C2orf81: variants seen among roughly 807,000 people sequenced by gnomAD.
C2orf81 encodes uncharacterized protein C2orf81.
A neutral mutation model predicts 7.9 loss-of-function variants in C2orf81; 5 were observed. That is an observed-to-expected ratio of 0.63 (90% confidence interval 0.33 to 1.33). The LOEUF (loss-of-function observed/expected upper bound fraction) is 1.33. Among genes scored for constraint, C2orf81 ranks in the 40% most tolerant of loss-of-function variants. C2orf81 has a pLI of 0.05. For missense variants in C2orf81, 781 were observed against 830.4 expected (o/e 0.94, Z 0.73); for synonymous variants, 346 against 367.4 (o/e 0.94, Z 0.66).
In C2orf81 at chr2:74,414,765, GGC is replaced by G. The variant is rs1463916784; in HGVS notation, c.1410_1411del (p.Pro471ThrfsTer17). 1 of 1,551,306 alleles carries G rather than the reference GGC, an allele frequency of 6.4e-7. No homozygotes were observed. Among genetic ancestry groups the G allele is most frequent in the Non-Finnish European group, 8.7e-7 (1 of 1,146,744 alleles). ...GAAGCGGATCCTGGAGTTTGGGAGT[GGC>G]AGCTTTGACTCGAGGGATGGCGACG... On this transcript the variant is annotated frameshift_variant, in exon 3 of 3. Transcript: ENST00000684111. LOFTEE classifies it low-confidence loss of function (END_TRUNC). The surrounding 1 kb of genome is among the most constrained non-coding windows in gnomAD (Gnocchi z 5.3).
At position 74,414,848 on chromosome 2, in the gene C2orf81, G is replaced by T. The variant is rs1246387219; in HGVS notation, c.1329C>A (p.Phe443Leu). ...GTGCGGGGCCCGAGTCCAAGTCACGGAAAGGAATGCCTGGCCGGAGAGGGA... is the reference window on the plus strand; with the variant it reads ...GTGCGGGGCCCGAGTCCAAGTCACGTAAAGGAATGCCTGGCCGGAGAGGGA... The part of the protein sequence containing the change: ...AFFPLRPGIP[F>L]RDLDSGPALL... Residue 443 changes from phenylalanine (F) to leucine (L), a missense_variant, in exon 3 of 3, where the codon TTC (phenylalanine) becomes TTA (leucine). Physicochemically the swap from Phe to Leu is conservative, Grantham distance 22 (BLOSUM62 0). Coordinates refer to ENST00000684111, the MANE Select transcript of C2orf81 (RefSeq NM_001316764.3). This position sits in a 1 kb window ranked among gnomAD's most constrained non-coding sequence, Gnocchi z 5.3. 1.3e-6 allele frequency: 2 copies of T among 1,551,258 alleles called. No homozygotes were observed. The highest frequency in any genetic ancestry group is 1.7e-6 in the Non-Finnish European group (2 of 1,146,660).
intron 1 of C2orf81, chr2:74,417,248 T>G (rs1573213892): frequency 6.0e-6 from 3 of 503,518 alleles, no homozygotes; most frequent in Non-Finnish European, 9.6e-6. Flanking sequence ...GGGCTGGGAG[T>G]GGGAAGGGTG....
chr2:74,415,997 G>C lies in C2orf81; in HGVS notation c.249+14C>G. The C allele has an allele frequency of 6.5e-7, 1 of 1,549,944 alleles. No homozygotes were observed. Among genetic ancestry groups the C allele is most frequent in the East Asian group, 2.4e-5 (1 of 40,914 alleles). Reference sequence around the variant, plus strand: ...AGAGGGAGACGAGTCTGAAGGACCCGGATCCCGGCCCACCTGCTGAGTCAG... The same window carrying C: ...AGAGGGAGACGAGTCTGAAGGACCCCGATCCCGGCCCACCTGCTGAGTCAG... On this transcript the variant is annotated intron_variant, in intron 2 of 2. Coordinates refer to ENST00000684111, the MANE Select transcript of C2orf81 (RefSeq NM_001316764.3). The surrounding 1 kb of genome is among the most constrained non-coding windows in gnomAD (Gnocchi z 5.5).
In C2orf81 at chr2:74,414,958, C is replaced by T. The variant is rs1338075597; in HGVS notation, c.1219G>A (p.Gly407Arg). ...SQTRPLEAYR[G>R]RQRGEKTKAR... ...TTGGTCTTCTCGCCCCGCTGGCGTC[C>T]GCGGTAGGCTTCCAAGGGGCGTGTT... The change falls in exon 3 of 3, where the codon GGA becomes AGA. Residue 407 changes from glycine (G) to arginine (R), a missense_variant. Coordinates refer to ENST00000684111, the MANE Select transcript of C2orf81 (RefSeq NM_001316764.3). The surrounding 1 kb of genome is among the most constrained non-coding windows in gnomAD (Gnocchi z 5.3). 2 of 1,547,774 alleles carry T rather than the reference C, an allele frequency of 1.3e-6. No homozygotes were observed. The highest frequency in any genetic ancestry group is 1.7e-4 in the Middle Eastern group (1 of 5,978).
intron 1 of C2orf81, chr2:74,417,457 C>T: frequency 7.7e-7 from 1 of 1,306,764 alleles, no homozygotes; most frequent in Admixed American, 2.3e-5. Flanking sequence ...GGGGCTGGGG[C>T]CACTGCAAAG....
chr2:74,415,444 C>G lies in C2orf81; in HGVS notation c.733G>C (p.Gly245Arg), dbSNP rs564474116. Reference protein sequence around the residue: ...GPGGPVEEADGQSRGLSSAGS... With the variant: ...GPGGPVEEADRQSRGLSSAGS... ...GCCGAGGAGAGGCCTCTAGACTGGC[C>G]GTCCGCTTCCTCTACAGGACCTCCG... The change falls in exon 3 of 3, where the codon GGC becomes CGC. Residue 245 changes from glycine to arginine, a missense_variant. Transcript: ENST00000684111. This position sits in a 1 kb window ranked among gnomAD's most constrained non-coding sequence, Gnocchi z 5.5. 14 of 1,533,892 alleles carry G rather than the reference C, an allele frequency of 9.1e-6. No homozygotes were observed. The African/African-American group carries it at 1.8e-4, about 20-fold the overall frequency.
chr2:74,421,495 A>T, intron 1 of C2orf81, 48 bp downstream of exon 1: 1 of 363,724 alleles, frequency 2.7e-6, no homozygotes, highest in Non-Finnish European at 5.0e-6. Flanking sequence ...CACCGACCTT[A>T]ACGGCCGACC....
Position 74,415,407 on chromosome 2 carries a change from C to G in C2orf81, c.770G>C (p.Ser257Thr). ...CTCCACCGACAGTTGGAAGCTCGCGCTCAAGGACCCGGCCGAGGAGAGGCC... is the reference window on the plus strand; with the variant it reads ...CTCCACCGACAGTTGGAAGCTCGCGGTCAAGGACCCGGCCGAGGAGAGGCC... ...SRGLSSAGSLSASFQLSVEEA... is the reference protein window; with the variant it reads ...SRGLSSAGSLTASFQLSVEEA... Residue 257 changes from serine to threonine, a missense_variant, in exon 3 of 3, where the codon AGC becomes ACC. Coordinates refer to ENST00000684111, the MANE Select transcript of C2orf81 (RefSeq NM_001316764.3). The surrounding 1 kb of genome is among the most constrained non-coding windows in gnomAD (Gnocchi z 5.5). The G allele has an allele frequency of 2.0e-6, 3 of 1,528,608 alleles. No homozygotes were observed. The highest frequency in any genetic ancestry group is 2.6e-6 in the Non-Finnish European group (3 of 1,132,578). 94.7% of individuals were successfully genotyped at this position (1,528,608 alleles called of 1,614,324 possible).
rs1352340233 is a variant in C2orf81 at position 74,416,251 on chromosome 2, C to G, written c.19-10G>C. On this transcript the variant is annotated splice_polypyrimidine_tract_variant and intron_variant, in intron 1 of 2. Coordinates refer to ENST00000684111, the MANE Select transcript of C2orf81 (RefSeq NM_001316764.3). Reference sequence around the variant, plus strand: ...CCTGCCTCTCCTGCCTCTGTGAGAACAAAACATGGCAATCAGAGCAGGAAA... The same window carrying G: ...CCTGCCTCTCCTGCCTCTGTGAGAAGAAAACATGGCAATCAGAGCAGGAAA... 3.7e-6 allele frequency: 5 copies of G among 1,340,462 alleles called. No individual in the cohort carries two copies. The highest frequency in any genetic ancestry group is 4.9e-6 in the Non-Finnish European group (5 of 1,019,092). 83.0% of individuals were successfully genotyped at this position (1,340,462 alleles called of 1,614,324 possible).
At chr2:74,419,408 G>A (rs1045942882) in intron 1 of C2orf81, among the ~76,000 whole-genome samples, 2 of 152,190 alleles carry the variant, frequency 1.3e-5, no homozygotes, top group African/African-American at 4.8e-5. Flanking sequence ...TTTCACAAGA[G>A]AGGGACTGTA....
At chr2:74,418,077 T>TG (rs1216284338) in intron 1 of C2orf81, 2 of 398,702 alleles carry the variant, frequency 5.0e-6, no homozygotes, top group Admixed American at 3.6e-5. Context: ...GGGTGGGAGG[T>TG]GGGGGGTTGG....
chr2:74,418,569 C>T, intron 1 of C2orf81: 2 of 688,098 alleles, frequency 2.9e-6, no homozygotes, highest in East Asian at 5.4e-5. Context: ...GGCCAGTCTC[C>T]ACCGCAGCCG....
In C2orf81 at chr2:74,414,948, C is replaced by T. The variant is rs1676402306; in HGVS notation, c.1229G>A (p.Arg410Gln). The T allele has an allele frequency of 6.5e-7, 1 of 1,546,348 alleles. No homozygotes were observed. The highest frequency in any genetic ancestry group is 8.7e-7 in the Non-Finnish European group (1 of 1,144,546). ...GGCCCGGGCCTTGGTCTTCTCGCCC[C>T]GCTGGCGTCCGCGGTAGGCTTCCAA... Reference protein sequence around the residue: ...RPLEAYRGRQRGEKTKARAEP... With the variant: ...RPLEAYRGRQQGEKTKARAEP... Residue 410 changes from arginine to glutamine, a missense_variant, in exon 3 of 3, where the codon CGG becomes CAG. Physicochemically the swap from Arg to Gln is conservative, Grantham distance 43. Coordinates refer to ENST00000684111, the MANE Select transcript of C2orf81 (RefSeq NM_001316764.3). The surrounding 1 kb of genome is among the most constrained non-coding windows in gnomAD (Gnocchi z 5.3).
intron 1 of C2orf81, 140 bp from the exon 2 acceptor site, chr2:74,416,381 G>C: frequency 2.4e-6 from 1 of 424,952 alleles, no homozygotes; most frequent in South Asian, 2.0e-5. Context: ...CTATGTGACA[G>C]ATACTTAGTA....
chr2:74,418,903 G>A lies in C2orf81; in HGVS notation c.18+2640C>T, dbSNP rs1243282716. Among the ~76,000 whole-genome samples, 3 of 151,920 alleles carry A rather than the reference G, an allele frequency of 2.0e-5. No individual in the cohort carries two copies. In the East Asian group the frequency reaches 5.8e-4, roughly 29 times the overall value. On this transcript the variant is annotated intron_variant, in intron 1 of 2. Coordinates refer to ENST00000684111, the MANE Select transcript of C2orf81 (RefSeq NM_001316764.3). ...AGCTCATATAAAAAAAAAAATGGCC[G>A]GGCGCAGTGGCTCACGCCTGTAATC...
rs1218436129 is a variant in C2orf81 at position 74,416,177 on chromosome 2, G to A, written c.83C>T (p.Pro28Leu). The A allele has an allele frequency of 1.7e-5, 25 of 1,470,978 alleles. No homozygotes were observed. The highest frequency in any genetic ancestry group is 2.3e-5 in the Non-Finnish European group (25 of 1,097,098). 91.1% of individuals were successfully genotyped at this position (1,470,978 alleles called of 1,614,324 possible). Residue 28 changes from proline to leucine, a missense_variant, in exon 2 of 3, where the codon CCC becomes CTC. Pro to Leu is a moderately conservative substitution (Grantham distance 98). Transcript: ENST00000684111. ...ATCCACCTGCGGCACTGGCACAGTG[G>A]GCGGCCGCACTTTTTCCGCCTTGGA... ...TRSKAEKVRP[P>L]TVPVPQVDIV...
intron 1 of C2orf81, among the ~76,000 whole-genome samples, chr2:74,416,939 C>A (rs1676485599): frequency 6.6e-6 from 1 of 152,126 alleles, no homozygotes; most frequent in Admixed American, 6.5e-5. Context: ...AGCAGGTGGC[C>A]CCTACATGCT....
At position 74,414,686 on chromosome 2, in the gene C2orf81, C is replaced by A; in HGVS notation, c.1491G>T (p.Leu497=). Residue 497 remains leucine, a synonymous_variant, in exon 3 of 3, where the codon CTG becomes CTT. Transcript: ENST00000684111. The surrounding 1 kb of genome is among the most constrained non-coding windows in gnomAD (Gnocchi z 5.3). ...CGCTGGGCCACCTGACACTGGGCCA[C>A]AGCTTGGGGCTGCGGCTGCGGGCCA... ...PDVARSRSPK[L]WPSVRWPSGW... The A allele has an allele frequency of 6.5e-7, 1 of 1,544,620 alleles. No individual in the cohort carries two copies. Among genetic ancestry groups the A allele is most frequent in the African/African-American group, 1.4e-5 (1 of 73,054 alleles).
chr2:74,418,487 G>A lies in C2orf81; in HGVS notation c.19-2246C>T, dbSNP rs1199179620. Reference sequence around the variant, plus strand: ...AGTTGGAAAAGTGATGGCTGGGATGGGCGAACTCGGCCGCTGGCCTGCGGT... The same window carrying A: ...AGTTGGAAAAGTGATGGCTGGGATGAGCGAACTCGGCCGCTGGCCTGCGGT... On this transcript the variant is annotated intron_variant, in intron 1 of 2. Transcript: ENST00000684111. 3.3e-6 allele frequency: 4 copies of A among 1,210,788 alleles called. No homozygotes were observed. In the African/African-American group the frequency reaches 6.0e-5, roughly 18 times the overall value. 75.0% of individuals were successfully genotyped at this position (1,210,788 alleles called of 1,614,324 possible).
Sources: allele counts gnomAD v4.1 joint callset (sites outside exome capture counted in the v4.1 genomes callset), GRCh38; gene constraint gnomAD v4.1.1; non-coding constraint Gnocchi (gnomAD v3.1); transcripts MANE v1.5; gene names NCBI Gene and HGNC (gene_info 2026-07-23, HGNC 2026-07-21).